AIG1: variants seen among roughly 807,000 people sequenced by gnomAD.
The protein encoded by AIG1 is androgen induced 1, also known as androgen-induced gene 1 protein.
In AIG1, 23 loss-of-function variants were observed where a neutral mutation model predicts 31.4. The observed-to-expected ratio is 0.73, with a 90% CI of 0.53 to 1.04. The LOEUF is 1.04. AIG1 is among the 50% of genes least tolerant of loss of function. The pLI is 0.00. For missense variants in AIG1, 274 were observed against 295.0 expected (o/e 0.93, Z 0.52); for synonymous variants, 100 against 110.5 (o/e 0.90, Z 0.60).
intron 1 of AIG1, among the ~76,000 whole-genome samples, chr6:143,079,903 C>T (rs956442301): frequency 4.6e-5 from 7 of 151,748 alleles, no homozygotes; most frequent in African/African-American, 7.3e-5. Context: ...GTTTATATCC[C>T]GATCATTATC....
chr6:143,324,649 T>G (rs1436712050), intron 4 of AIG1, among the ~76,000 whole-genome samples: 1 of 152,194 alleles, frequency 6.6e-6, no homozygotes, highest in Non-Finnish European at 1.5e-5. Flanking sequence ...ATACAATACC[T>G]TCTCCAAAGA....
At chr6:143,319,870 T>A (rs1221781116) in intron 4 of AIG1, among the ~76,000 whole-genome samples, 1 of 152,000 alleles carries the variant, frequency 6.6e-6, no homozygotes, top group Non-Finnish European at 1.5e-5. Flanking sequence ...AATAGAGAAA[T>A]GAGACGGCAT....
At chr6:143,300,192 A>G (rs1798729665) in intron 4 of AIG1, among the ~76,000 whole-genome samples, 1 of 152,224 alleles carries the variant, frequency 6.6e-6, no homozygotes, top group African/African-American at 2.4e-5. Context: ...ACCAATGAGC[A>G]TGTCACTCCA....
chr6:143,153,673 A>C (rs760649159), intron 2 of AIG1, among the ~76,000 whole-genome samples: 16 of 152,076 alleles, frequency 1.1e-4, no homozygotes, highest in Non-Finnish European at 1.5e-4. Context: ...ATTTATTACT[A>C]TAAAAGACAA....
At chr6:143,339,008 G>A (rs1486198715) in intron 5 of AIG1, 1 of 152,124 alleles carries the variant, frequency 6.6e-6, no homozygotes, top group African/African-American at 2.4e-5. Flanking sequence ...AACAGGCAAA[G>A]GTTCTTACTG....
rs191332462 is a variant in AIG1, at chr6:143,295,030, C to G, written c.515+10805C>G. Among the ~76,000 whole-genome samples the G allele has an allele frequency of 3.3e-4, 50 of 152,302 alleles. No individual in the cohort carries two copies. In the East Asian group the frequency reaches 9.4e-3, roughly 29 times the overall value. On this transcript the variant is annotated intron_variant, in intron 4 of 5. Coordinates refer to ENST00000357847, the MANE Select transcript of AIG1 (RefSeq NM_016108.4). ...TACTCCATATCTACTCACTTAGCAACTGCAAACCAACCTCATGCCATGCCA... is the reference window on the plus strand; with the variant it reads ...TACTCCATATCTACTCACTTAGCAAGTGCAAACCAACCTCATGCCATGCCA...
intron 4 of AIG1, among the ~76,000 whole-genome samples, chr6:143,312,495 C>T (rs561999559): frequency 9.2e-5 from 14 of 151,966 alleles, no homozygotes; most frequent in South Asian, 8.3e-4. Context: ...CTGGGAAAAC[C>T]GGATATCCAT....
At chr6:143,070,265 G>T (rs1401354321) in intron 1 of AIG1, among the ~76,000 whole-genome samples, 4 of 152,160 alleles carry the variant, frequency 2.6e-5, no homozygotes, top group Non-Finnish European at 4.4e-5. Context: ...TTTGGGGAAA[G>T]TTGGACATCT....
intron 4 of AIG1, among the ~76,000 whole-genome samples, chr6:143,311,158 C>T (rs1357655729): frequency 1.3e-5 from 2 of 151,874 alleles, no homozygotes; most frequent in African/African-American, 2.4e-5. Flanking sequence ...AGAAAACTTA[C>T]AGACACGTAT....
At chr6:143,169,810 G>A (rs143093231) in intron 3 of AIG1, among the ~76,000 whole-genome samples, 2 of 152,140 alleles carry the variant, frequency 1.3e-5, no homozygotes, top group East Asian at 3.9e-4. Context: ...AGTTGTTATT[G>A]TAAATGATAT....
chr6:143,188,330 T>C, intron 3 of AIG1: 1 of 985,706 alleles, frequency 1.0e-6, no homozygotes. Context: ...AGTTTTCCAT[T>C]TTACTGAGCG....
chr6:143,255,988 C>T (rs1197737884), intron 3 of AIG1, among the ~76,000 whole-genome samples: 22 of 152,130 alleles, frequency 1.4e-4, no homozygotes, highest in Admixed American at 1.4e-3. Context: ...CCTGAGTTGT[C>T]TAAAATTATG....
chr6:143,316,460 C>T lies in AIG1; in HGVS notation c.516-16822C>T, dbSNP rs145892187. 2.7e-3 allele frequency among the ~76,000 whole-genome samples: 412 copies of T among 152,116 alleles called. 1 individual carries two copies. The highest frequency in any genetic ancestry group is 9.6e-3 in the African/African-American group (400 of 41,544). ...GCTTGTAAGGTTTCTGCTGAGAAAT[C>T]TGCTGTTAATCTGTTACAGCAAAAG... On this transcript the variant is annotated intron_variant, in intron 4 of 5. Coordinates refer to ENST00000357847, the MANE Select transcript of AIG1 (RefSeq NM_016108.4).
chr6:143,288,821 A>G lies in AIG1; in HGVS notation c.515+4596A>G, dbSNP rs1797866211. ...ACAGAAGTTACAAGCAAAGACATAA[A>G]TCTATACCTGTAAGGTATGCATTGA... On this transcript the variant is annotated intron_variant, in intron 4 of 5. Coordinates refer to ENST00000357847, the MANE Select transcript of AIG1 (RefSeq NM_016108.4). The surrounding 1 kb of genome is among the most constrained non-coding windows in gnomAD (Gnocchi z 4.4). Among the ~76,000 whole-genome samples, 1 of 152,200 alleles carries G rather than the reference A, an allele frequency of 6.6e-6. No homozygotes were observed. The highest frequency in any genetic ancestry group is 2.4e-5 in the African/African-American group (1 of 41,450).
At chr6:143,161,140 A>G (rs1056970137) in intron 2 of AIG1, among the ~76,000 whole-genome samples, 8 of 152,220 alleles carry the variant, frequency 5.3e-5, no homozygotes, top group African/African-American at 1.9e-4. Flanking sequence ...AAAAACATAG[A>G]TGAAATATAG....
intron 3 of AIG1, among the ~76,000 whole-genome samples, chr6:143,166,601 C>A (rs1786969585): frequency 6.6e-6 from 1 of 152,168 alleles, no homozygotes; most frequent in Non-Finnish European, 1.5e-5. Flanking sequence ...TGCAAAACAG[C>A]CTTTGAATTC....
At chr6:143,088,441 C>T (rs548742740) in intron 1 of AIG1, among the ~76,000 whole-genome samples, 1 of 152,318 alleles carries the variant, frequency 6.6e-6, no homozygotes, top group African/African-American at 2.4e-5. Flanking sequence ...AGAACTGGTG[C>T]ACTCAAAGTG....
At chr6:143,068,211 G>A (rs1776898623) in intron 1 of AIG1, among the ~76,000 whole-genome samples, 1 of 151,730 alleles carries the variant, frequency 6.6e-6, no homozygotes, top group Admixed American at 6.6e-5. Context: ...TGCTCTTGAG[G>A]GTTTTCATTT....
chr6:143,102,604 A>C (rs1463684139), intron 1 of AIG1, among the ~76,000 whole-genome samples: 1 of 148,910 alleles, frequency 6.7e-6, no homozygotes, highest in Admixed American at 6.7e-5. Flanking sequence ...GTCATAGAAC[A>C]TATCCCAGGG....
Sources: gnomAD v4.1 joint callset for allele counts (sites outside exome capture counted in the v4.1 genomes callset) on GRCh38, gnomAD v4.1.1 for gene constraint, Gnocchi (gnomAD v3.1) non-coding constraint, MANE v1.5 for transcripts, NCBI Gene and HGNC (gene_info 2026-07-23, HGNC 2026-07-21) for gene names.